Variants in CERS5 observed in about 807,000 individuals in gnomAD.
The protein encoded by CERS5 is LAG1 homolog, ceramide synthase 5.
CERS5 carries 37 observed loss-of-function variants against 58.9 expected under a neutral mutation model. The ratio of observed to expected loss-of-function variants is 0.63; its 90% CI spans 0.48 to 0.83. The LOEUF (loss-of-function observed/expected upper bound fraction) is 0.83. CERS5 is among the 40% of genes least tolerant of loss of function. The pLI, the probability that CERS5 is intolerant of heterozygous loss-of-function variation, is 0.00. For synonymous variants in CERS5, 147 were observed against 177.8 expected (o/e 0.83, Z 1.38); for missense variants, 398 against 489.3 (o/e 0.81, Z 1.76).
At chr12:50,138,185 T>C (rs7316344) in intron 5 of CERS5, among the ~76,000 whole-genome samples, 50,353 of 151,984 alleles carry the variant, frequency 0.33, 9,199 homozygotes, top group East Asian at 0.75. Flanking sequence ...ATTTCCAGTA[T>C]AGGTTACAAC....
intron 1 of CERS5, chr12:50,148,457 C>T: frequency 1.8e-5 from 4 of 225,934 alleles, no homozygotes; most frequent in South Asian, 1.1e-4. Flanking sequence ...ATTAGCCAGG[C>T]ATGGCGGCAC....
chr12:50,162,992 G>A (rs1156669359), intron 1 of CERS5, among the ~76,000 whole-genome samples: 1 of 151,950 alleles, frequency 6.6e-6, no homozygotes, highest in African/African-American at 2.4e-5. Context: ...TTGAACTCCT[G>A]GGCTCAAGCC....
At chr12:50,139,485 AAAAAC>A (rs777426596) in intron 4 of CERS5, among the ~76,000 whole-genome samples, 27 of 151,776 alleles carry the variant, frequency 1.8e-4, no homozygotes, top group African/African-American at 4.1e-4. Flanking sequence ...CCTGTCTTTA[AAAAAC>A]AAAACAAAAC....
intron 4 of CERS5, among the ~76,000 whole-genome samples, chr12:50,139,314 T>C (rs1165962351): frequency 6.6e-6 from 1 of 151,598 alleles, no homozygotes; most frequent in African/African-American, 2.4e-5. Flanking sequence ...ACCCCATCTC[T>C]ACAAAAAATA....
At chr12:50,164,948 A>C (rs1435954897) in intron 1 of CERS5, 9 of 151,814 alleles carry the variant, frequency 5.9e-5, no homozygotes, top group African/African-American at 2.2e-4. Context: ...TTAAAAAAAA[A>C]TTTGTCCTGA....
At chr12:50,138,839 G>A (rs1192917459) in intron 4 of CERS5, among the ~76,000 whole-genome samples, 1 of 152,192 alleles carries the variant, frequency 6.6e-6, no homozygotes, top group African/African-American at 2.4e-5. Context: ...TAAGAACAGT[G>A]AGAGCTTTAG....
At chr12:50,151,367 A>C (rs1668969754) in intron 1 of CERS5, among the ~76,000 whole-genome samples, 1 of 152,180 alleles carries the variant, frequency 6.6e-6, no homozygotes, top group Non-Finnish European at 1.5e-5. Context: ...CAAAAACCAC[A>C]ATTACTTTTG....
intron 5 of CERS5, 109 bp from the exon 6 acceptor site, chr12:50,137,929 T>G: frequency 1.4e-6 from 1 of 699,778 alleles, no homozygotes; most frequent in Non-Finnish European, 2.5e-6. Flanking sequence ...TAGACATCTC[T>G]CCTCCCCATT....
chr12:50,166,980 C>T (rs1250389795), intron 1 of CERS5, 121 bp downstream of exon 1: 3 of 833,288 alleles, frequency 3.6e-6, no homozygotes, highest in African/African-American at 3.6e-5. Flanking sequence ...GCGGCCCAAG[C>T]TCCCCCAGCC....
chr12:50,130,834 C>G, intron 9 of CERS5, 140 bp from the exon 10 acceptor site: 4 of 641,556 alleles, frequency 6.2e-6, no homozygotes, highest in Non-Finnish European at 7.6e-6. Context: ...ATTGTCTGGA[C>G]TATGGCTACT....
chr12:50,137,659 G>T, intron 6 of CERS5, 69 bp downstream of exon 6: 1 of 830,206 alleles, frequency 1.2e-6, no homozygotes, highest in South Asian at 1.5e-5. Context: ...ACATCGTAAT[G>T]GCAGTCATGG....
chr12:50,132,376 T>G (rs1303991152), intron 9 of CERS5, among the ~76,000 whole-genome samples: 1 of 151,892 alleles, frequency 6.6e-6, no homozygotes, highest in African/African-American at 2.4e-5. Context: ...CACTCCAGCC[T>G]GGGCAACAAG....
intron 1 of CERS5, chr12:50,165,891 G>A (rs1038192941): frequency 4.4e-6 from 2 of 451,266 alleles, no homozygotes; most frequent in African/African-American, 4.0e-5. Context: ...TCACCCACAG[G>A]TATAAATTCA....
chr12:50,166,657 T>C (rs748487840), intron 1 of CERS5, among the ~76,000 whole-genome samples: 1 of 152,178 alleles, frequency 6.6e-6, no homozygotes, highest in African/African-American at 2.4e-5. Flanking sequence ...GATGAGTCCA[T>C]TCCTTTCCCT....
At chr12:50,146,079 T>TA (rs1952253446) in intron 1 of CERS5, among the ~76,000 whole-genome samples, 1 of 152,200 alleles carries the variant, frequency 6.6e-6, no homozygotes. Context: ...TTCCTACTCT[T>TA]ACCCCTAACC....
intron 1 of CERS5, among the ~76,000 whole-genome samples, chr12:50,164,335 T>C: frequency 6.6e-6 from 1 of 151,188 alleles, no homozygotes; most frequent in Non-Finnish European, 1.5e-5. Flanking sequence ...CTTGGGAGGC[T>C]GAGGTAGGAG....
chr12:50,130,590 AT>A lies in CERS5; in HGVS notation c.1133del (p.Asn378IlefsTer3). 6.2e-7 allele frequency: 1 copy of A among 1,612,560 alleles called. No homozygotes were observed. Among genetic ancestry groups the A allele is most frequent in the African/African-American group, 1.3e-5 (1 of 75,006 alleles). ...TGCCTCCCATGTGACCATTCACCCG[AT>A]TGGCACCATTGCTGGAGCTACTGTC... ...PCDSSSSNGA[N>X]RVNGHMGGSY... On this transcript the variant is annotated frameshift_variant, in exon 10 of 10. Transcript: ENST00000317551. LOFTEE classifies it high-confidence loss of function.
At chr12:50,157,833 G>T (rs1420767934) in intron 1 of CERS5, among the ~76,000 whole-genome samples, 1 of 152,098 alleles carries the variant, frequency 6.6e-6, no homozygotes, top group Admixed American at 6.6e-5. Context: ...ACTTTGGAAG[G>T]CCGAGGTGGA....
chr12:50,146,588 A>G (rs906484996), intron 1 of CERS5, among the ~76,000 whole-genome samples: 6 of 152,144 alleles, frequency 3.9e-5, no homozygotes, highest in African/African-American at 1.2e-4. Context: ...AGCCGGGCGC[A>G]GTGGCTCACG....
Sources: allele counts gnomAD v4.1 joint callset (sites outside exome capture counted in the v4.1 genomes callset), GRCh38; gene constraint gnomAD v4.1.1; transcripts MANE v1.5; gene names NCBI Gene and HGNC (gene_info 2026-07-23, HGNC 2026-07-21).